Variants in STIM1 observed in about 807,000 individuals in gnomAD.
STIM1 encodes the protein stromal interaction molecule 1.
Under a neutral mutation model 74.7 loss-of-function variants are expected in STIM1, and 25 were observed. That is an observed-to-expected ratio of 0.33 (90% CI 0.24 to 0.47). The LOEUF is 0.47. STIM1 is among the 20% of genes least tolerant of loss of function. The pLI, the probability that STIM1 is intolerant of heterozygous loss-of-function variation, is 1.00. For synonymous variants in STIM1, 328 were observed against 348.8 expected, an observed-to-expected ratio of 0.94 and a Z score of 0.66; for missense variants, 728 against 920.8, an observed-to-expected ratio of 0.79 and a Z score of 2.71.
At chr11:3,936,447 C>T (rs551366410) in intron 1 of STIM1, among the ~76,000 whole-genome samples, 1 of 152,156 alleles carries the variant, frequency 6.6e-6, no homozygotes, top group Non-Finnish European at 1.5e-5. Context: ...CTCAGTACCC[C>T]TACAGTTCCA....
intron 1 of STIM1, among the ~76,000 whole-genome samples, chr11:3,950,134 A>C (rs1463008956): frequency 1.5e-5 from 2 of 132,212 alleles, no homozygotes; most frequent in Non-Finnish European, 3.3e-5. Context: ...TAGGTCATTC[A>C]TTTTTTTTTT....
intron 1 of STIM1, among the ~76,000 whole-genome samples, chr11:3,965,919 A>G (rs1223256417): frequency 6.6e-6 from 1 of 152,204 alleles, no homozygotes; most frequent in Non-Finnish European, 1.5e-5. Flanking sequence ...AGGCAGGAGA[A>G]TTGCTTGAGC....
intron 2 of STIM1, among the ~76,000 whole-genome samples, chr11:4,018,485 A>AC (rs2093923577): frequency 6.7e-6 from 1 of 148,384 alleles, no homozygotes; most frequent in Admixed American, 6.8e-5. Context: ...AAAAAAAAAA[A>AC]ACAAACAAAA....
chr11:3,979,271 G>A (rs2093478778), intron 2 of STIM1, among the ~76,000 whole-genome samples: 1 of 152,032 alleles, frequency 6.6e-6, no homozygotes, highest in Non-Finnish European at 1.5e-5. Context: ...TAAGTGTTCT[G>A]CCTCTAGTTT....
Position 4,042,291 on chromosome 11 carries a change from C to T in STIM1, c.386-13235C>T, listed in dbSNP as rs72851745. Among the ~76,000 whole-genome samples, 729 of 152,302 alleles carry T rather than the reference C, an allele frequency of 4.8e-3. 2 individuals carry two copies. The highest frequency in any genetic ancestry group is 0.01 in the Admixed American group (159 of 15,298). ...CATACCTTTTATTTCATTTTCTGCTCAAATATCACTTCATCAGAGAGGCCT... is the reference window on the plus strand; with the variant it reads ...CATACCTTTTATTTCATTTTCTGCTTAAATATCACTTCATCAGAGAGGCCT... On this transcript the variant is annotated intron_variant, in intron 3 of 12. Coordinates refer to ENST00000526596, the MANE Select transcript of STIM1 (RefSeq NM_001382567.1).
chr11:4,025,054 A>G (rs1257363160), intron 3 of STIM1, among the ~76,000 whole-genome samples: 2 of 152,208 alleles, frequency 1.3e-5, no homozygotes, highest in African/African-American at 4.8e-5. Context: ...AGATGTATAA[A>G]GTTACTTGTC....
At position 3,946,808 on chromosome 11, in the gene STIM1, G is replaced by C. The variant is rs538805916; in HGVS notation, c.140-20744G>C. Among the ~76,000 whole-genome samples the C allele has an allele frequency of 7.2e-5, 11 of 152,332 alleles. No individual in the cohort carries two copies. In the East Asian group the frequency reaches 2.1e-3, roughly 29 times the overall value. ...TCACTCTAACCAGTTGGGAAGCACA[G>C]TGGCCCATGAGGTTAGAAGCCTTGA... is the stretch of plus-strand genomic sequence containing the variant. On this transcript the variant is annotated intron_variant, in intron 1 of 12. Transcript: ENST00000526596.
chr11:4,086,601 G>A (rs566291713), intron 12 of STIM1, 58 bp downstream of exon 12: 2 of 1,608,076 alleles, frequency 1.2e-6, no homozygotes, highest in African/African-American at 1.3e-5. Flanking sequence ...TGCGGCGAAT[G>A]CGCAGCCTTT....
chr11:3,881,096 A>G (rs981610061), intron 1 of STIM1, among the ~76,000 whole-genome samples: 1 of 151,794 alleles, frequency 6.6e-6, no homozygotes, highest in Non-Finnish European at 1.5e-5. Context: ...TTTATTAAAA[A>G]AAAAAAAAAA....
intron 1 of STIM1, among the ~76,000 whole-genome samples, chr11:3,879,669 T>C (rs2091429411): frequency 6.6e-6 from 1 of 152,238 alleles, no homozygotes; most frequent in African/African-American, 2.4e-5. Context: ...CCCAATGTCA[T>C]ATATGTAATT....
intron 1 of STIM1, among the ~76,000 whole-genome samples, chr11:3,962,442 G>A (rs2093296621): frequency 7.4e-6 from 1 of 134,718 alleles, no homozygotes; most frequent in Non-Finnish European, 1.6e-5. Flanking sequence ...TGGCTGAGTA[G>A]TATTGTGTGT....
chr11:4,013,318 C>T (rs561739392), intron 2 of STIM1, among the ~76,000 whole-genome samples: 2 of 152,048 alleles, frequency 1.3e-5, no homozygotes, highest in Non-Finnish European at 2.9e-5. Context: ...CTCTTTGTAC[C>T]TGTGGTAGAA....
chr11:3,953,051 A>T (rs1394112101), intron 1 of STIM1, among the ~76,000 whole-genome samples: 1 of 152,128 alleles, frequency 6.6e-6, no homozygotes, highest in South Asian at 2.1e-4. Context: ...TGCTTAGAGG[A>T]GGAGGAAGGT....
At chr11:3,915,359 G>C (rs1250271794) in intron 1 of STIM1, among the ~76,000 whole-genome samples, 1 of 151,874 alleles carries the variant, frequency 6.6e-6, no homozygotes, top group Non-Finnish European at 1.5e-5. Context: ...CAGAGTGTTG[G>C]GATTAATAGG....
intron 7 of STIM1, among the ~76,000 whole-genome samples, chr11:4,081,423 T>C (rs2094464816): frequency 6.6e-6 from 1 of 152,252 alleles, no homozygotes; most frequent in Admixed American, 6.5e-5. Context: ...GTGTTAGGTG[T>C]GGGCATGCTC....
At chr11:4,056,967 A>G (rs2094294679) in intron 4 of STIM1, among the ~76,000 whole-genome samples, 3 of 152,136 alleles carry the variant, frequency 2.0e-5, no homozygotes, top group Admixed American at 6.5e-5. Context: ...CTCTTGTGCC[A>G]TGTGGTTAAA....
intron 1 of STIM1, among the ~76,000 whole-genome samples, chr11:3,861,390 C>T (rs1040282233): frequency 2.0e-5 from 3 of 152,186 alleles, no homozygotes; most frequent in East Asian, 3.9e-4. Context: ...TCCGCCACCA[C>T]GCCTGGCTAA....
rs1265902959 is a variant in STIM1 at position 3,989,327 on chromosome 11, AT to A, written c.270+21648del. Reference sequence around the variant, plus strand: ...TTTGTTTGCACTTGTTTGTCTGAAGATTTATCCTTTGCTGCTGCCTTTTTCG... The same window carrying A: ...TTTGTTTGCACTTGTTTGTCTGAAGATTATCCTTTGCTGCTGCCTTTTTCG... On this transcript the variant is annotated intron_variant, in intron 2 of 12. Transcript: ENST00000526596. The A allele has an allele frequency of 2.4e-5, 22 of 912,474 alleles. No individual in the cohort carries two copies. The African/African-American group carries it at 3.1e-4, about 13-fold the overall frequency. The allele number at this position is 912,474 out of a possible 1,614,324, so 56.5% of individuals were successfully genotyped here. A position where few individuals can be genotyped will look rare whatever the true frequency, so the allele number is the denominator to read the frequency against.
At chr11:4,030,019 C>G (rs769262544) in intron 3 of STIM1, among the ~76,000 whole-genome samples, 30 of 152,046 alleles carry the variant, frequency 2.0e-4, no homozygotes, top group Non-Finnish European at 5.9e-5. Context: ...TACTGGAGAG[C>G]TAGGAAGCCT....
Sources: gnomAD v4.1 joint callset for allele counts (sites outside exome capture counted in the v4.1 genomes callset) on GRCh38, gnomAD v4.1.1 for gene constraint, MANE v1.5 for transcripts, NCBI Gene and HGNC (gene_info 2026-07-23, HGNC 2026-07-21) for gene names.